The following RUNX1 variants were observed in gnomAD, a reference collection of about 807,000 sequenced individuals.
The protein encoded by RUNX1 is runt-related transcription factor 1.
In RUNX1, 19 loss-of-function variants were observed where a neutral mutation model predicts 42.8. That is an observed-to-expected ratio of 0.44 (90% confidence interval 0.31 to 0.65). RUNX1 has a LOEUF of 0.65. Among genes scored for constraint, RUNX1 ranks in the 30% least tolerant of loss-of-function variants. The probability of loss-of-function intolerance (pLI) is 0.07; values close to 1 mark genes in which losing one functional copy is unlikely to be tolerated. For missense variants in RUNX1, 528 were observed against 672.0 expected (o/e 0.79, Z 2.37); for synonymous variants, 271 against 289.4 (o/e 0.94, Z 0.64).
At chr21:34,880,835 G>A (rs1037595784) in intron 4 of RUNX1, 122 bp from the exon 5 acceptor site, 9 of 1,015,526 alleles carry the variant, frequency 8.9e-6, no homozygotes, top group Non-Finnish European at 1.2e-5. Flanking sequence ...TTAGGTTGCA[G>A]AGGAATAGCA....
chr21:34,861,408 CCA>C (rs2057573305), intron 5 of RUNX1, among the ~76,000 whole-genome samples: 1 of 152,198 alleles, frequency 6.6e-6, no homozygotes, highest in South Asian at 2.1e-4. Context: ...GCAATGACAG[CCA>C]CAGACGGGGA....
At chr21:34,928,390 C>G (rs1485384484) in intron 2 of RUNX1, among the ~76,000 whole-genome samples, 4 of 152,256 alleles carry the variant, frequency 2.6e-5, no homozygotes, top group South Asian at 4.1e-4. Context: ...TGATACCCAT[C>G]TCTATAAGGG....
intron 2 of RUNX1, among the ~76,000 whole-genome samples, chr21:34,902,837 G>A (rs1214258851): frequency 1.3e-5 from 2 of 152,166 alleles, no homozygotes; most frequent in Non-Finnish European, 2.9e-5. Context: ...TTATGCAAAT[G>A]CCACTTGGAA....
intron 7 of RUNX1, among the ~76,000 whole-genome samples, chr21:34,811,044 C>CGTCAGGGCCTCACAGCAGT (rs1569017704): frequency 6.6e-6 from 1 of 152,222 alleles, no homozygotes; most frequent in Non-Finnish European, 1.5e-5. Context: ...AACACAGCTG[C>CGTCAGGGCCTCACAGCAGT]GTCAGGGCCT....
intron 2 of RUNX1, among the ~76,000 whole-genome samples, chr21:34,917,844 G>A (rs1484407065): frequency 1.3e-5 from 2 of 152,042 alleles, no homozygotes; most frequent in African/African-American, 4.8e-5. Flanking sequence ...TAAAGTCCTT[G>A]GCTTGGCCGG....
At chr21:34,855,113 C>T (rs1383444529) in intron 6 of RUNX1, among the ~76,000 whole-genome samples, 1 of 152,014 alleles carries the variant, frequency 6.6e-6, no homozygotes, top group Non-Finnish European at 1.5e-5. Flanking sequence ...CTCAATGTTC[C>T]AGACGTAACA....
chr21:34,816,078 A>G (rs1469362001), intron 7 of RUNX1, among the ~76,000 whole-genome samples: 2 of 152,154 alleles, frequency 1.3e-5, no homozygotes, highest in African/African-American at 4.8e-5. Flanking sequence ...GGGAAAGGAG[A>G]AGGAAAGAAT....
At chr21:35,004,948 T>TA (rs2146889105) in intron 2 of RUNX1, among the ~76,000 whole-genome samples, 1 of 152,290 alleles carries the variant, frequency 6.6e-6, no homozygotes, top group East Asian at 1.9e-4. Flanking sequence ...TGGCTTTTCC[T>TA]AAGACATGGT....
intron 2 of RUNX1, among the ~76,000 whole-genome samples, chr21:34,939,321 G>A (rs952591963): frequency 9.2e-5 from 14 of 152,304 alleles, no homozygotes; most frequent in African/African-American, 3.1e-4. Flanking sequence ...TATTTTCATA[G>A]CAGAAATGGT....
chr21:34,979,565 G>A (rs533603908), intron 2 of RUNX1, among the ~76,000 whole-genome samples: 1 of 152,160 alleles, frequency 6.6e-6, no homozygotes, highest in Admixed American at 6.5e-5. Context: ...CTGCTATTTA[G>A]CCATTCTGTC....
At chr21:35,044,020 A>C (rs1389851231) in intron 2 of RUNX1, among the ~76,000 whole-genome samples, 1 of 152,216 alleles carries the variant, frequency 6.6e-6, no homozygotes, top group African/African-American at 2.4e-5. Flanking sequence ...CAGATCAAAG[A>C]CTTAGCATGA....
chr21:34,843,303 T>C lies in RUNX1; in HGVS notation c.614-8702A>G, dbSNP rs372814072. Among the ~76,000 whole-genome samples the C allele has an allele frequency of 6.6e-6, 1 of 151,650 alleles. No individual in the cohort carries two copies. Among genetic ancestry groups the C allele is most frequent in the Non-Finnish European group, 1.5e-5 (1 of 67,926 alleles). ...TCACACAGACACATATATTAAGACA[T>C]GCACAGACACACATACACATACAGA... On this transcript the variant is annotated intron_variant, in intron 6 of 8. Coordinates refer to ENST00000675419, the MANE Select transcript of RUNX1 (RefSeq NM_001754.5). The surrounding 1 kb of genome is among the most constrained non-coding windows in gnomAD (Gnocchi z 4.8).
intron 1 of RUNX1, 31 bp from the exon 2 acceptor site, chr21:35,048,989 T>G: frequency 9.2e-7 from 1 of 1,088,512 alleles, no homozygotes; most frequent in Non-Finnish European, 1.4e-6. Context: ...CAGGTCACTG[T>G]TTCAGCCTCA....
At chr21:34,908,408 A>T (rs1179783474) in intron 2 of RUNX1, among the ~76,000 whole-genome samples, 2 of 152,152 alleles carry the variant, frequency 1.3e-5, no homozygotes, top group East Asian at 3.9e-4. Context: ...GGAACTAAAA[A>T]ATGTGCAAAA....
chr21:35,010,925 G>A (rs1352227576), intron 2 of RUNX1, among the ~76,000 whole-genome samples: 2 of 152,142 alleles, frequency 1.3e-5, no homozygotes, highest in Admixed American at 6.5e-5. Context: ...ACAACTGTTC[G>A]AGAATGATGT....
In RUNX1 at chr21:34,946,023, G is replaced by T. The variant is rs546309877; in HGVS notation, c.59-53060C>A. Reference sequence around the variant, plus strand: ...ATGCGTTCTCCTGTTCTCCTAGAGGGTTCTCCCTCTTAATTAGTTGCCCAA... The same window carrying T: ...ATGCGTTCTCCTGTTCTCCTAGAGGTTTCTCCCTCTTAATTAGTTGCCCAA... On this transcript the variant is annotated intron_variant, in intron 2 of 8. Transcript: ENST00000675419. Among the ~76,000 whole-genome samples, 29 of 152,234 alleles carry T rather than the reference G, an allele frequency of 1.9e-4. 1 individual carries two copies. Among genetic ancestry groups the T allele is most frequent in the South Asian group, 1.9e-3 (9 of 4,824 alleles).
At chr21:35,031,749 T>A (rs529332146) in intron 2 of RUNX1, among the ~76,000 whole-genome samples, 2 of 152,178 alleles carry the variant, frequency 1.3e-5, no homozygotes, top group Non-Finnish European at 2.9e-5. Flanking sequence ...TACATTACAC[T>A]AAATAAAATA....
intron 2 of RUNX1, among the ~76,000 whole-genome samples, chr21:34,963,869 A>G (rs2058699069): frequency 6.6e-6 from 1 of 152,238 alleles, no homozygotes; most frequent in Non-Finnish European, 1.5e-5. Context: ...TGTCAGGTAC[A>G]AGGAACCCTG....
At chr21:34,797,804 C>G (rs567946399) in intron 8 of RUNX1, among the ~76,000 whole-genome samples, 132 of 152,306 alleles carry the variant, frequency 8.7e-4, no homozygotes, top group Middle Eastern at 3.4e-3. Flanking sequence ...CCCAAGAACA[C>G]TGGAAGGCAG....
Sources: gnomAD v4.1 joint callset for allele counts (sites outside exome capture counted in the v4.1 genomes callset) on GRCh38, gnomAD v4.1.1 for gene constraint, Gnocchi (gnomAD v3.1) non-coding constraint, MANE v1.5 for transcripts, NCBI Gene and HGNC (gene_info 2026-07-23, HGNC 2026-07-21) for gene names.